The following RAD51B variants were observed in gnomAD, a reference collection of about 807,000 sequenced individuals.
The protein encoded by RAD51B is RAD51 paralog B, also known as DNA repair protein RAD51 homolog 2.
A neutral mutation model predicts 42.2 loss-of-function variants in RAD51B; 38 were observed. That is an observed-to-expected ratio of 0.90 (90% CI 0.70 to 1.18). RAD51B has a LOEUF of 1.18. Ranked by LOEUF, RAD51B falls within the 50% of genes most tolerant of loss-of-function variation. The pLI, the probability that RAD51B is intolerant of heterozygous loss-of-function variation, is 0.00. For synonymous variants in RAD51B, 154 were observed against 145.2 expected, an observed-to-expected ratio of 1.06 and a Z score of -0.43; for missense variants, 373 against 400.7, an observed-to-expected ratio of 0.93 and a Z score of 0.59.
intron 7 of RAD51B, among the ~76,000 whole-genome samples, chr14:68,249,258 T>G (rs369416836): frequency 6.6e-6 from 1 of 152,248 alleles, no homozygotes. Context: ...CTGTCTTTCA[T>G]GTTGTGAAGA....
rs913150528 is a variant in RAD51B at position 68,067,931 on chromosome 14, CAAAAAAAAAAAAA to C, written c.756+180743_756+180755del. On this transcript the variant is annotated intron_variant, in intron 7 of 10. Transcript: ENST00000471583. ...TGTCTGACAGAGCGAGACTCCATCT[CAAAAAAAAAAAAA>C]AAAAAAAAAAAAAAAGAAGGACACT... 9.3e-4 allele frequency among the ~76,000 whole-genome samples: 23 copies of C among 24,704 alleles called. No individual in the cohort carries two copies. The East Asian group carries it at 0.022, about 23-fold the overall frequency. The allele number at this position is 24,704 out of a possible 152,430, so 16.2% of individuals were successfully genotyped here.
intron 8 of RAD51B, among the ~76,000 whole-genome samples, chr14:68,370,952 A>T (rs1024242991): frequency 7.0e-6 from 1 of 142,646 alleles, no homozygotes; most frequent in Non-Finnish European, 1.5e-5. Context: ...CTGGAGAATC[A>T]CTTGAACCTG....
intron 7 of RAD51B, among the ~76,000 whole-genome samples, chr14:68,146,498 G>C (rs1249918383): frequency 6.6e-6 from 1 of 151,892 alleles, no homozygotes; most frequent in Non-Finnish European, 1.5e-5. Context: ...TTTCATTTAA[G>C]GGCCTCTCAA....
intron 4 of RAD51B, among the ~76,000 whole-genome samples, chr14:67,852,388 C>T (rs1221433765): frequency 6.6e-6 from 1 of 152,210 alleles, no homozygotes; most frequent in Non-Finnish European, 1.5e-5. Context: ...TGGTGGGGAT[C>T]CCCGACTCCA....
chr14:68,292,844 A>G (rs143608671), intron 8 of RAD51B, among the ~76,000 whole-genome samples: 2 of 152,304 alleles, frequency 1.3e-5, no homozygotes, highest in East Asian at 3.9e-4. Flanking sequence ...TTAGGAGGGA[A>G]AACTAGTGGC....
intron 7 of RAD51B, 174 bp downstream of exon 7, chr14:67,887,378 C>T (rs1237548421): frequency 4.0e-6 from 2 of 498,426 alleles, no homozygotes; most frequent in Admixed American, 7.6e-5. Context: ...CTTAAATTAG[C>T]TCATCTGCTG....
At chr14:67,913,015 G>A (rs1003794814) in intron 7 of RAD51B, among the ~76,000 whole-genome samples, 4 of 151,982 alleles carry the variant, frequency 2.6e-5, no homozygotes, top group Non-Finnish European at 5.9e-5. Context: ...TACTTCTCTA[G>A]GTTTTTAAGC....
chr14:68,115,090 G>T (rs1458893096), intron 7 of RAD51B, among the ~76,000 whole-genome samples: 1 of 140,284 alleles, frequency 7.1e-6, no homozygotes, highest in Non-Finnish European at 1.5e-5. Context: ...AAAGACACAT[G>T]CACACGTATG....
At chr14:68,081,603 A>G (rs2076912907) in intron 7 of RAD51B, among the ~76,000 whole-genome samples, 1 of 152,250 alleles carries the variant, frequency 6.6e-6, no homozygotes, top group African/African-American at 2.4e-5. Flanking sequence ...TCAAAATTCT[A>G]TTGGAGGCTA....
At chr14:67,930,902 C>A (rs2044704057) in intron 7 of RAD51B, among the ~76,000 whole-genome samples, 1 of 147,804 alleles carries the variant, frequency 6.8e-6, no homozygotes, top group Non-Finnish European at 1.5e-5. Context: ...TTTTTTTGGT[C>A]TGCCTGGGTT....
At chr14:68,539,468 G>C (rs1859302) in intron 10 of RAD51B, among the ~76,000 whole-genome samples, 30,489 of 152,144 alleles carry the variant, frequency 0.2, 3,707 homozygotes, top group South Asian at 0.31. Context: ...TTAACCTCCA[G>C]GGGCATTCAC....
At chr14:68,530,446 C>CAAAAAAAAAAAAAAAAAAAAAAAAAAAAA (rs35454756) in intron 10 of RAD51B, among the ~76,000 whole-genome samples, 12 of 67,844 alleles carry the variant, frequency 1.8e-4, no homozygotes, top group South Asian at 5.8e-4. Flanking sequence ...GACCCTGTCT[C>CAAAAAAAAAAAAAAAAAAAAAAAAAAAAA]AAAAAAAAAA....
At chr14:67,874,043 C>T (rs1393942790) in intron 5 of RAD51B, among the ~76,000 whole-genome samples, 1 of 151,646 alleles carries the variant, frequency 6.6e-6, no homozygotes, top group Non-Finnish European at 1.5e-5. Flanking sequence ...ACATATGTAA[C>T]TAACCTGCAC....
intron 7 of RAD51B, among the ~76,000 whole-genome samples, chr14:68,276,490 CA>C (rs2081228030): frequency 6.6e-6 from 1 of 152,136 alleles, no homozygotes; most frequent in Non-Finnish European, 1.5e-5. Flanking sequence ...ATTTTCATAA[CA>C]TTTTTAATTT....
At chr14:67,879,495 T>G (rs1384342091) in intron 5 of RAD51B, among the ~76,000 whole-genome samples, 1 of 151,866 alleles carries the variant, frequency 6.6e-6, no homozygotes, top group Non-Finnish European at 1.5e-5. Context: ...CAGGCTGGAG[T>G]GCAGTGACAT....
intron 10 of RAD51B, among the ~76,000 whole-genome samples, chr14:68,619,262 C>G (rs1308755023): frequency 6.6e-6 from 1 of 152,048 alleles, no homozygotes; most frequent in Non-Finnish European, 1.5e-5. Context: ...ATCACGAGGT[C>G]CAGAGATCGA....
At chr14:68,092,380 A>G (rs901889253) in intron 7 of RAD51B, among the ~76,000 whole-genome samples, 1 of 152,132 alleles carries the variant, frequency 6.6e-6, no homozygotes, top group African/African-American at 2.4e-5. Flanking sequence ...TTCATTGAGC[A>G]GTGGTTTGTA....
intron 10 of RAD51B, among the ~76,000 whole-genome samples, chr14:68,504,617 GAAAGGAAACTTAAATTGC>G (rs1476446277): frequency 2.7e-5 from 4 of 150,216 alleles, no homozygotes; most frequent in Non-Finnish European, 5.9e-5. Context: ...CTAGAGATGG[GAAAGGAAACTTAAATTGC>G]AAAGGAGTAA....
rs565826662 is a variant in RAD51B, at chr14:68,031,446, C to T, written c.756+144242C>T. 2.6e-5 allele frequency among the ~76,000 whole-genome samples: 4 copies of T among 152,222 alleles called. No individual in the cohort carries two copies. The East Asian group carries it at 7.7e-4, about 29-fold the overall frequency. ...TCAAAGATCACTGATCTTAAATCAC[C>T]ATAACAGATAAAACAATGAAAAATT... On this transcript the variant is annotated intron_variant, in intron 7 of 10. Transcript: ENST00000471583.
Sources: allele counts gnomAD v4.1 joint callset (sites outside exome capture counted in the v4.1 genomes callset), GRCh38; gene constraint gnomAD v4.1.1; transcripts MANE v1.5; gene names NCBI Gene and HGNC (gene_info 2026-07-23, HGNC 2026-07-21).